Variants in PRIMPOL observed in about 807,000 individuals in gnomAD.
PRIMPOL encodes primase and DNA directed polymerase.
A neutral mutation model predicts 63.6 loss-of-function variants in PRIMPOL; 54 were observed. The observed-to-expected ratio is 0.85, with a 90% CI of 0.68 to 1.07. The LOEUF (loss-of-function observed/expected upper bound fraction) is 1.07. Ranked by LOEUF, PRIMPOL falls within the 50% of genes least tolerant of loss-of-function variation. PRIMPOL has a pLI of 0.00. For missense variants in PRIMPOL, 610 were observed against 648.3 expected (o/e 0.94, Z 0.64); for synonymous variants, 197 against 220.2 (o/e 0.89, Z 0.93).
intron 4 of PRIMPOL, among the ~76,000 whole-genome samples, chr4:184,661,430 G>C (rs547737669): frequency 6.6e-6 from 1 of 152,306 alleles, no homozygotes; most frequent in Admixed American, 6.5e-5. Flanking sequence ...ATAGAGGCTG[G>C]GCGTGGTGGC....
chr4:184,662,922 C>A (rs960249778), intron 5 of PRIMPOL, among the ~76,000 whole-genome samples: 2 of 151,070 alleles, frequency 1.3e-5, no homozygotes, highest in Non-Finnish European at 2.9e-5. Flanking sequence ...AAAAAAACCC[C>A]AAATTATATT....
chr4:184,654,408 C>T (rs28702958), intron 2 of PRIMPOL, among the ~76,000 whole-genome samples: 19,126 of 150,698 alleles, frequency 0.13, 1,289 homozygotes, highest in Middle Eastern at 0.17. Context: ...TACTCAGAAT[C>T]TAGCAATAAG....
chr4:184,673,421 G>A (rs373953441), intron 7 of PRIMPOL, among the ~76,000 whole-genome samples: 1,983 of 113,144 alleles, frequency 0.018, 38 homozygotes, highest in African/African-American at 0.06. Flanking sequence ...GAGCCACTGC[G>A]CCCAGCCTCT....
chr4:184,661,392 T>A (rs1358236145), intron 4 of PRIMPOL, among the ~76,000 whole-genome samples: 1 of 152,150 alleles, frequency 6.6e-6, no homozygotes, highest in East Asian at 1.9e-4. Flanking sequence ...CAATGTAAGA[T>A]AGACTGCCAT....
intron 9 of PRIMPOL, among the ~76,000 whole-genome samples, chr4:184,683,622 T>C (rs1259170692): frequency 6.6e-6 from 1 of 152,172 alleles, no homozygotes; most frequent in Non-Finnish European, 1.5e-5. Flanking sequence ...ATTTCCTATA[T>C]ATAGAGAGAG....
At position 184,687,906 on chromosome 4, in the gene PRIMPOL, G is replaced by A. The variant is rs185483354; in HGVS notation, c.1295+2222G>A. Among the ~76,000 whole-genome samples the A allele has an allele frequency of 2.1e-3, 324 of 152,324 alleles. 3 individuals are homozygous for A. Among genetic ancestry groups the A allele is most frequent in the African/African-American group, 7.1e-3 (297 of 41,576 alleles). On this transcript the variant is annotated intron_variant, in intron 11 of 13. Transcript: ENST00000314970. ...GCTGGGATTACAGGCATGAGCCACC[G>A]TGCCCGGCCATAAACAATATAGTGT...
At chr4:184,690,701 C>T (rs571106295) in intron 11 of PRIMPOL, among the ~76,000 whole-genome samples, 26 of 152,272 alleles carry the variant, frequency 1.7e-4, no homozygotes, top group Admixed American at 3.3e-4. Flanking sequence ...CGTTGTTTTC[C>T]ACGTTAGTCA....
At chr4:184,693,088 T>TG (rs1279491121) in intron 13 of PRIMPOL, among the ~76,000 whole-genome samples, 1 of 152,190 alleles carries the variant, frequency 6.6e-6, no homozygotes, top group East Asian at 1.9e-4. Flanking sequence ...GAACAGGTGA[T>TG]GGGGTTTATA....
intron 13 of PRIMPOL, chr4:184,694,295 TAATTTC>T (rs1759931129): frequency 7.6e-7 from 1 of 1,319,000 alleles, no homozygotes; most frequent in African/African-American, 1.5e-5. Context: ...GAACTGTAGG[TAATTTC>T]AAATTTGGAG....
chr4:184,668,255 A>G (rs1750619807), intron 6 of PRIMPOL, among the ~76,000 whole-genome samples: 1 of 152,162 alleles, frequency 6.6e-6, no homozygotes, highest in Admixed American at 6.5e-5. Context: ...CCAGAGTCAC[A>G]TCTTCTCCGT....
At position 184,672,372 on chromosome 4, in the gene PRIMPOL, GC is replaced by G; in HGVS notation, c.757del (p.Leu253TrpfsTer14). On this transcript the variant is annotated frameshift_variant, in exon 7 of 14. Coordinates refer to ENST00000314970, the MANE Select transcript of PRIMPOL (RefSeq NM_152683.4). LOFTEE classifies it high-confidence loss of function. The stretch of plus-strand genomic sequence containing the variant: ...CATCGAATTCAAAGAAACTGGAGAG[GC>G]TGGGGTCAGCTGAGCAAAGCAGTCC... ...WTSNSKKLER[L>X]GSAEQSSPDL... 6.2e-7 allele frequency: 1 copy of G among 1,614,142 alleles called. No individual in the cohort carries two copies. The highest frequency in any genetic ancestry group is 1.3e-5 in the African/African-American group (1 of 75,044).
intron 2 of PRIMPOL, among the ~76,000 whole-genome samples, chr4:184,656,028 C>T (rs752086516): frequency 4.6e-5 from 7 of 152,242 alleles, no homozygotes; most frequent in East Asian, 1.9e-4. Flanking sequence ...CTTACTAATG[C>T]GTTGAATTCA....
intron 9 of PRIMPOL, among the ~76,000 whole-genome samples, chr4:184,683,404 A>G (rs1474655419): frequency 6.6e-6 from 1 of 151,590 alleles, no homozygotes; most frequent in African/African-American, 2.4e-5. Flanking sequence ...CATGCGCAAC[A>G]AGAGTGAGAC....
intron 2 of PRIMPOL, among the ~76,000 whole-genome samples, chr4:184,652,340 A>G (rs1744791915): frequency 6.6e-6 from 1 of 151,978 alleles, no homozygotes; most frequent in Admixed American, 6.6e-5. Flanking sequence ...TTTAAGGGTG[A>G]TTGGGCTGGC....
intron 5 of PRIMPOL, among the ~76,000 whole-genome samples, chr4:184,664,928 A>G (rs1487131982): frequency 6.6e-6 from 1 of 152,256 alleles, no homozygotes; most frequent in African/African-American, 2.4e-5. Flanking sequence ...TCTCTGAGAA[A>G]GAATTTACAG....
intron 6 of PRIMPOL, among the ~76,000 whole-genome samples, chr4:184,671,220 G>A (rs185481243): frequency 1.1e-4 from 17 of 152,288 alleles, no homozygotes; most frequent in Admixed American, 3.9e-4. Flanking sequence ...TGTTAGCTCC[G>A]AGGCCGTAGT....
intron 8 of PRIMPOL, among the ~76,000 whole-genome samples, chr4:184,681,130 A>C (rs1755511117): frequency 6.6e-6 from 1 of 152,208 alleles, no homozygotes; most frequent in Non-Finnish European, 1.5e-5. Context: ...TTCCAAGTAA[A>C]TACCAGGTAG....
intron 11 of PRIMPOL, among the ~76,000 whole-genome samples, chr4:184,688,251 A>T (rs1045371440): frequency 3.3e-5 from 5 of 152,176 alleles, no homozygotes; most frequent in African/African-American, 1.2e-4. Context: ...TGTTTTCCCA[A>T]ATGGGTGTGC....
In PRIMPOL at chr4:184,672,463, A is replaced by T. The variant is rs1752052982; in HGVS notation, c.844+3A>T. The T allele has an allele frequency of 1.9e-6, 3 of 1,544,516 alleles. No individual in the cohort carries two copies. The highest frequency in any genetic ancestry group is 2.3e-5 in the South Asian group (2 of 86,234). On this transcript the variant is annotated splice_donor_region_variant and intron_variant, in intron 7 of 13. Coordinates refer to ENST00000314970, the MANE Select transcript of PRIMPOL (RefSeq NM_152683.4). ...GAAGCATCTTTTTGTAGATCTCGGT[A>T]AGTAAGATTGACAGCTTTCTCCATC... is the stretch of plus-strand genomic sequence containing the variant.
Sources: allele counts gnomAD v4.1 joint callset (sites outside exome capture counted in the v4.1 genomes callset), GRCh38; gene constraint gnomAD v4.1.1; transcripts MANE v1.5; gene names NCBI Gene and HGNC (gene_info 2026-07-23, HGNC 2026-07-21).